The following STXBP4 variants were observed in gnomAD, a reference collection of about 807,000 sequenced individuals.
STXBP4 encodes syntaxin binding protein 4, also known as syntaxin-binding protein 4.
In STXBP4, 55 loss-of-function variants were observed where a neutral mutation model predicts 76.1. The ratio of observed to expected loss-of-function variants is 0.72; its 90% CI spans 0.58 to 0.91. The LOEUF (loss-of-function observed/expected upper bound fraction) is 0.91. STXBP4 is among the 40% of genes least tolerant of loss of function. STXBP4 has a pLI of 0.00. For missense variants in STXBP4, 618 were observed against 636.9 expected (o/e 0.97, Z 0.32); for synonymous variants, 201 against 220.2 (o/e 0.91, Z 0.77).
chr17:54,972,080 G>A (rs1225196516), intron 1 of STXBP4, among the ~76,000 whole-genome samples: 1 of 152,156 alleles, frequency 6.6e-6, no homozygotes, highest in African/African-American at 2.4e-5. Flanking sequence ...GTCCTCTTAG[G>A]CATCACATGA....
At chr17:55,093,663 T>C (rs376667002) in intron 16 of STXBP4, among the ~76,000 whole-genome samples, 24 of 152,330 alleles carry the variant, frequency 1.6e-4, no homozygotes, top group African/African-American at 5.5e-4. Flanking sequence ...CTTGGGAGTT[T>C]TAAGTTGGCA....
chr17:55,172,857 C>T lies in STXBP4; in HGVS notation c.*12946C>T, dbSNP rs961993960. 16 of 152,220 alleles carry T rather than the reference C, an allele frequency of 1.1e-4. No individual in the cohort carries two copies. Among genetic ancestry groups the T allele is most frequent in the Non-Finnish European group, 1.8e-4 (12 of 68,038 alleles). 9.4% of individuals were successfully genotyped at this position (152,220 alleles called of 1,614,324 possible). ...CCAGGACAGGTAGGTCACCCTGCAC[C>T]TACACAAGGACTGAGCTGAGTTCTA... is the stretch of plus-strand genomic sequence containing the variant. On this transcript the variant is annotated 3_prime_UTR_variant, in exon 18 of 18. Coordinates refer to ENST00000376352, the MANE Select transcript of STXBP4 (RefSeq NM_178509.6).
the STXBP4 span, among the ~76,000 whole-genome samples, chr17:55,210,550 AT>A: frequency 6.6e-6 from 1 of 152,228 alleles, no homozygotes; most frequent in African/African-American, 2.4e-5. Flanking sequence ...AAATAAGAGG[AT>A]GGTTTTACTC....
intron 12 of STXBP4, among the ~76,000 whole-genome samples, chr17:55,070,202 T>C (rs542996531): frequency 1.1e-4 from 17 of 152,354 alleles, no homozygotes; most frequent in African/African-American, 2.9e-4. Context: ...TACTTAACTT[T>C]CCTGTGCATC....
intron 8 of STXBP4, among the ~76,000 whole-genome samples, chr17:55,023,267 T>G (rs1257626903): frequency 6.6e-6 from 1 of 152,204 alleles, no homozygotes; most frequent in African/African-American, 2.4e-5. Flanking sequence ...ACTCCTGCCA[T>G]GAATATAGGG....
At chr17:54,990,663 C>G (rs992028825) in intron 3 of STXBP4, among the ~76,000 whole-genome samples, 162 bp from the exon 4 acceptor site, 8 of 152,314 alleles carry the variant, frequency 5.3e-5, no homozygotes, top group South Asian at 4.1e-4. Context: ...CCCTCTCCCC[C>G]CACCTTGGAA....
intron 8 of STXBP4, among the ~76,000 whole-genome samples, chr17:55,018,031 A>G (rs900245815): frequency 6.6e-6 from 1 of 152,016 alleles, no homozygotes; most frequent in African/African-American, 2.4e-5. Context: ...GGCTCCCAGG[A>G]TGGTGGTGGG....
At chr17:55,190,722 G>A in the STXBP4 span, among the ~76,000 whole-genome samples, 3 of 152,146 alleles carry the variant, frequency 2.0e-5, no homozygotes, top group Admixed American at 6.6e-5. Context: ...CAATTTCCAC[G>A]CTACTCCCTG....
At chr17:55,111,349 T>TTAG (rs1474669647) in intron 16 of STXBP4, among the ~76,000 whole-genome samples, 1 of 152,212 alleles carries the variant, frequency 6.6e-6, no homozygotes. Context: ...ACCAGTCATA[T>TTAG]TAGTGTTTTT....
At chr17:55,075,917 A>C (rs2079176529) in intron 13 of STXBP4, among the ~76,000 whole-genome samples, 1 of 152,132 alleles carries the variant, frequency 6.6e-6, no homozygotes. Flanking sequence ...GTTATAAACC[A>C]AGGTTTCCTC....
In STXBP4 at chr17:54,996,134, G is replaced by A. The variant is rs192455271; in HGVS notation, c.181-3211G>A. On this transcript the variant is annotated intron_variant, in intron 4 of 17. Coordinates refer to ENST00000376352, the MANE Select transcript of STXBP4 (RefSeq NM_178509.6). ...TGCTTTTTGAGCAAAAAGACACAACGATTAAGTAAATCCTGGGCAACTAGA... is the reference window on the plus strand; with the variant it reads ...TGCTTTTTGAGCAAAAAGACACAACAATTAAGTAAATCCTGGGCAACTAGA... Among the ~76,000 whole-genome samples, 161 of 151,672 alleles carry A rather than the reference G, an allele frequency of 1.1e-3. 1 individual carries two copies. The highest frequency in any genetic ancestry group is 3.8e-3 in the African/African-American group (156 of 41,356).
In STXBP4 at chr17:55,081,129, G is replaced by A. The variant is rs748678693; in HGVS notation, c.1435G>A (p.Ala479Thr). 1.3e-6 allele frequency: 2 copies of A among 1,554,636 alleles called. No individual in the cohort carries two copies. Among genetic ancestry groups the A allele is most frequent in the African/African-American group, 2.8e-5 (2 of 71,136 alleles). Residue 479 changes from alanine to threonine, a missense_variant, in exon 16 of 18, where the codon GCG (alanine) becomes ACG (threonine). Coordinates refer to ENST00000376352, the MANE Select transcript of STXBP4 (RefSeq NM_178509.6). ...RNGRSIPATL[A>T]LESKELVKSV... ...TGGACGTAGCATCCCAGCAACGCTG[G>A]CGCTTGAATCTAAGGAACTTGTTAA...
the STXBP4 span, among the ~76,000 whole-genome samples, chr17:55,207,396 C>T: frequency 6.6e-6 from 1 of 152,162 alleles, no homozygotes; most frequent in African/African-American, 2.4e-5. Context: ...GCTTCCAATA[C>T]CCCAGCTCAG....
At chr17:55,057,702 C>G (rs1043086535) in intron 12 of STXBP4, among the ~76,000 whole-genome samples, 1 of 152,148 alleles carries the variant, frequency 6.6e-6, no homozygotes, top group African/African-American at 2.4e-5. Context: ...CTCTCCCTCC[C>G]CTTGCTCCAC....
At chr17:55,015,470 G>C (rs990392581) in intron 8 of STXBP4, among the ~76,000 whole-genome samples, 13 of 152,170 alleles carry the variant, frequency 8.5e-5, no homozygotes, top group African/African-American at 2.9e-4. Context: ...GTCTGATTTA[G>C]CAGTAACATT....
chr17:55,048,088 CT>C (rs1394294725), intron 12 of STXBP4, among the ~76,000 whole-genome samples: 1 of 151,722 alleles, frequency 6.6e-6, no homozygotes, highest in Non-Finnish European at 1.5e-5. Context: ...GTTCTTAGCA[CT>C]AGCTACAAAA....
At chr17:55,124,743 C>A (rs1389909951) in intron 16 of STXBP4, among the ~76,000 whole-genome samples, 1 of 152,190 alleles carries the variant, frequency 6.6e-6, no homozygotes, top group Non-Finnish European at 1.5e-5. Context: ...GCTTAAACAA[C>A]AAAATTTTAT....
chr17:55,203,848 T>C, the STXBP4 span, among the ~76,000 whole-genome samples: 1 of 152,154 alleles, frequency 6.6e-6, no homozygotes, highest in African/African-American at 2.4e-5. Context: ...TGATCTTTTT[T>C]TTCTTACTTC....
At chr17:55,121,672 G>T (rs1024829683) in intron 16 of STXBP4, among the ~76,000 whole-genome samples, 12 of 152,076 alleles carry the variant, frequency 7.9e-5, no homozygotes, top group African/African-American at 2.9e-4. Context: ...TGTTGTATTA[G>T]AAACTGTAAA....
Sources: gnomAD v4.1 joint callset for allele counts (sites outside exome capture counted in the v4.1 genomes callset) on GRCh38, gnomAD v4.1.1 for gene constraint, MANE v1.5 for transcripts, NCBI Gene and HGNC (gene_info 2026-07-23, HGNC 2026-07-21) for gene names.